Variants in SAMD5 observed in about 807,000 individuals in gnomAD.
SAMD5 encodes sterile alpha motif domain containing 5.
In SAMD5, 13 loss-of-function variants were observed where a neutral mutation model predicts 11.3. The observed-to-expected ratio is 1.15, with a 90% CI of 0.75 to 1.83. The LOEUF (loss-of-function observed/expected upper bound fraction) is 1.83, where lower values mean the gene tolerates loss of function less well. Among genes scored for constraint, SAMD5 ranks in the 40% most tolerant of loss-of-function variants. The pLI, the probability that SAMD5 is intolerant of heterozygous loss-of-function variation, is 0.00. For missense variants in SAMD5, 255 were observed against 239.1 expected (o/e 1.07, Z -0.44); for synonymous variants, 129 against 111.3 (o/e 1.16, Z -1.00).
chr6:147,831,932 T>G, the SAMD5 span, among the ~76,000 whole-genome samples: 1 of 152,238 alleles, frequency 6.6e-6, no homozygotes, highest in Admixed American at 6.5e-5. Context: ...TTTTAATCTC[T>G]TTTTATTAAA....
At chr6:147,683,094 T>C (rs528241424) in intron 1 of SAMD5, among the ~76,000 whole-genome samples, 3 of 152,352 alleles carry the variant, frequency 2.0e-5, no homozygotes, top group African/African-American at 7.2e-5. Flanking sequence ...TCCCCAACTC[T>C]GCCTCATGAC....
chr6:147,879,348 G>C, the SAMD5 span, among the ~76,000 whole-genome samples: 1 of 152,162 alleles, frequency 6.6e-6, no homozygotes, highest in South Asian at 2.1e-4. Context: ...GGACTCCTCC[G>C]AGAGCAGAGA....
chr6:147,564,480 A>G lies in SAMD5; in HGVS notation c.*24A>G. 1 of 791,690 alleles carries G rather than the reference A, an allele frequency of 1.3e-6. No individual in the cohort carries two copies. Among genetic ancestry groups the G allele is most frequent in the Non-Finnish European group, 2.3e-6 (1 of 428,278 alleles). 49.0% of individuals were successfully genotyped at this position (791,690 alleles called of 1,614,324 possible). A position where few individuals can be genotyped will look rare whatever the true frequency, so the allele number is the denominator to read the frequency against. On this transcript the variant is annotated 3_prime_UTR_variant, in exon 2 of 2. Coordinates refer to ENST00000367474, the MANE Select transcript of SAMD5 (RefSeq NM_001030060.3). ...AGATATCATTTTTGAGACCTCGTGG[A>G]GGACTGATGAGGTGCCTGAAGACTG...
chr6:147,613,811 G>A (rs9377063), intron 1 of SAMD5, among the ~76,000 whole-genome samples: 56,468 of 151,516 alleles, frequency 0.37, 11,201 homozygotes, highest in African/African-American at 0.46. Context: ...GGAAAATGGT[G>A]AGAATGCATC....
At chr6:147,766,105 A>G in the SAMD5 span, among the ~76,000 whole-genome samples, 3 of 139,748 alleles carry the variant, frequency 2.1e-5, no homozygotes, top group Non-Finnish European at 3.2e-5. Context: ...GCAATGGAAG[A>G]AAAAAAAAAA....
At chr6:147,664,970 A>C (rs968003933) in intron 1 of SAMD5, among the ~76,000 whole-genome samples, 9 of 152,114 alleles carry the variant, frequency 5.9e-5, no homozygotes, top group Non-Finnish European at 1.3e-4. Flanking sequence ...CCTAGGTAGC[A>C]ATTTCTTTAG....
intron 1 of SAMD5, among the ~76,000 whole-genome samples, chr6:147,614,005 A>T (rs1490715034): frequency 6.6e-6 from 1 of 151,938 alleles, no homozygotes; most frequent in African/African-American, 2.4e-5. Context: ...TGGCAAAATG[A>T]AATGTGTTTT....
At chr6:147,812,207 A>T in the SAMD5 span, among the ~76,000 whole-genome samples, 1 of 152,092 alleles carries the variant, frequency 6.6e-6, no homozygotes, top group Non-Finnish European at 1.5e-5. Context: ...TTAAGAGAAG[A>T]TGTTTTGTTC....
the SAMD5 span, among the ~76,000 whole-genome samples, chr6:147,918,628 G>C: frequency 6.6e-6 from 1 of 150,586 alleles, no homozygotes; most frequent in Non-Finnish European, 1.5e-5. Context: ...TCCTTAAGCT[G>C]ATAAGCAACT....
chr6:147,915,768 A>C, the SAMD5 span, among the ~76,000 whole-genome samples: 1 of 152,174 alleles, frequency 6.6e-6, no homozygotes, highest in African/African-American at 2.4e-5. Context: ...GTTTATTATT[A>C]TACTTCAAGT....
At chr6:147,562,610 CAGG>C (rs1377950720) in intron 1 of SAMD5, among the ~76,000 whole-genome samples, 3 of 152,114 alleles carry the variant, frequency 2.0e-5, no homozygotes, top group Non-Finnish European at 2.9e-5. Context: ...ATCACGAGGT[CAGG>C]AGATCAAGAC....
chr6:147,793,561 T>C, the SAMD5 span, among the ~76,000 whole-genome samples: 1 of 152,224 alleles, frequency 6.6e-6, no homozygotes, highest in Admixed American at 6.5e-5. Context: ...ATGCCAGTGT[T>C]CATAGATCTA....
At chr6:147,612,371 C>T (rs1033451860) in intron 1 of SAMD5, among the ~76,000 whole-genome samples, 2 of 152,140 alleles carry the variant, frequency 1.3e-5, no homozygotes, top group Admixed American at 1.3e-4. Context: ...TTAATTAAGA[C>T]TTTCGCACTC....
the SAMD5 span, among the ~76,000 whole-genome samples, chr6:147,785,507 G>A: frequency 1.3e-5 from 2 of 152,182 alleles, no homozygotes; most frequent in African/African-American, 2.4e-5. Context: ...CAGCCAAATC[G>A]CCAATCAGCC....
chr6:147,860,241 A>G, the SAMD5 span, among the ~76,000 whole-genome samples: 1 of 152,164 alleles, frequency 6.6e-6, no homozygotes, highest in South Asian at 2.1e-4. Flanking sequence ...CATTCTCCCT[A>G]TGTGTTCCGT....
At chr6:147,670,060 G>A (rs1469481806) in intron 1 of SAMD5, among the ~76,000 whole-genome samples, 1 of 152,186 alleles carries the variant, frequency 6.6e-6, no homozygotes, top group African/African-American at 2.4e-5. Context: ...TGGGCTGCAG[G>A]AAGGATGTTA....
chr6:147,714,833 G>A (rs185503668), intron 1 of SAMD5, among the ~76,000 whole-genome samples: 3 of 152,098 alleles, frequency 2.0e-5, no homozygotes, highest in African/African-American at 7.2e-5. Context: ...TTTGAGTAAC[G>A]CAATCTGTGA....
the SAMD5 span, among the ~76,000 whole-genome samples, chr6:147,779,089 G>A: frequency 6.6e-6 from 1 of 151,694 alleles, no homozygotes; most frequent in Non-Finnish European, 1.5e-5. Context: ...TTCCTGCTAA[G>A]AGACAGGATA....
chr6:147,686,226 C>G (rs906223528), intron 1 of SAMD5, among the ~76,000 whole-genome samples: 1 of 152,148 alleles, frequency 6.6e-6, no homozygotes, highest in Non-Finnish European at 1.5e-5. Flanking sequence ...CAGGCATCTT[C>G]TCTGACTCTG....
Sources: gnomAD v4.1 joint callset for allele counts (sites outside exome capture counted in the v4.1 genomes callset) on GRCh38, gnomAD v4.1.1 for gene constraint, MANE v1.5 for transcripts, NCBI Gene and HGNC (gene_info 2026-07-23, HGNC 2026-07-21) for gene names.